Variants in MDM4 observed in about 807,000 individuals in gnomAD.
MDM4 encodes MDM4 regulator of p53.
MDM4 carries 2 observed loss-of-function variants against 60.2 expected under a neutral mutation model. That is an observed-to-expected ratio of 0.03 (90% confidence interval 0.01 to 0.10). The LOEUF (loss-of-function observed/expected upper bound fraction) is 0.10, where lower values mean the gene tolerates loss of function less well. MDM4 is among the 10% of genes least tolerant of loss of function. The pLI is 1.00. For missense variants in MDM4, 447 were observed against 577.5 expected, an observed-to-expected ratio of 0.77 and a Z score of 2.32; for synonymous variants, 202 against 198.1, an observed-to-expected ratio of 1.02 and a Z score of -0.17.
At position 204,555,102 on chromosome 1, in the gene MDM4, C is replaced by G. The variant is rs555818241; in HGVS notation, c.*5420C>G. ...CCCCTGCAGGTTGTTTTCCTTCTTA[C>G]GATCCTCATTGAATCCCCTCTGGGA... On this transcript the variant is annotated 3_prime_UTR_variant, in exon 11 of 11. Transcript: ENST00000367182. The G allele has an allele frequency of 1.5e-5, 3 of 203,496 alleles. No individual in the cohort carries two copies. The highest frequency in any genetic ancestry group is 7.5e-5 in the East Asian group (1 of 13,408). The allele number at this position is 203,496 out of a possible 1,614,324, so 12.6% of individuals were successfully genotyped here. A position where few individuals can be genotyped will look rare whatever the true frequency, so the allele number is the denominator to read the frequency against.
rs1052301902 is a variant in MDM4, at chr1:204,552,776, T to C, written c.*3094T>C. 2.7e-5 allele frequency: 5 copies of C among 186,008 alleles called. No individual in the cohort carries two copies. Among genetic ancestry groups the C allele is most frequent in the Non-Finnish European group, 5.7e-5 (5 of 87,958 alleles). The allele number at this position is 186,008 out of a possible 1,614,324, so 11.5% of individuals were successfully genotyped here. ...TTGCCCACCGGGGTTTTTCACTGCT[T>C]CTGTTAGCACTAAGTACTTAGACGA... On this transcript the variant is annotated 3_prime_UTR_variant, in exon 11 of 11. Transcript: ENST00000367182.
At chr1:204,526,838 A>C (rs1169198458) in intron 3 of MDM4, among the ~76,000 whole-genome samples, 2 of 152,188 alleles carry the variant, frequency 1.3e-5, no homozygotes, top group East Asian at 3.8e-4. Context: ...CTAAGAAAGG[A>C]AGTTCTACTC....
At position 204,553,305 on chromosome 1, in the gene MDM4, A is replaced by G. The variant is rs554537077; in HGVS notation, c.*3623A>G. The G allele has an allele frequency of 4.6e-6, 1 of 215,386 alleles. No individual in the cohort carries two copies. The highest frequency in any genetic ancestry group is 1.9e-4 in the South Asian group (1 of 5,400). 13.3% of individuals were successfully genotyped at this position (215,386 alleles called of 1,614,324 possible). ...GAAGTGTTCAGAGTTTACTGCTATAAGGAAACTTCCAAATACTGACATTTA... is the reference window on the plus strand; with the variant it reads ...GAAGTGTTCAGAGTTTACTGCTATAGGGAAACTTCCAAATACTGACATTTA... On this transcript the variant is annotated 3_prime_UTR_variant, in exon 11 of 11. Transcript: ENST00000367182.
At chr1:204,542,299 T>C (rs1387647409) in intron 7 of MDM4, among the ~76,000 whole-genome samples, 2 of 152,244 alleles carry the variant, frequency 1.3e-5, no homozygotes, top group Non-Finnish European at 2.9e-5. Context: ...TCACCTATTA[T>C]GGTTTGTATT....
intron 10 of MDM4, among the ~76,000 whole-genome samples, chr1:204,548,247 G>T (rs559683921): frequency 6.6e-6 from 1 of 152,292 alleles, no homozygotes; most frequent in African/African-American, 2.4e-5. Context: ...TTTTAAATGA[G>T]ATTGGAAGAT....
At chr1:204,536,641 C>T (rs1182025968) in intron 5 of MDM4, among the ~76,000 whole-genome samples, 1 of 152,134 alleles carries the variant, frequency 6.6e-6, no homozygotes, top group Non-Finnish European at 1.5e-5. Flanking sequence ...TTGATCTTTT[C>T]GTGTAGCCAA....
chr1:204,518,122 C>T lies in MDM4; in HGVS notation c.-36+1613C>T, dbSNP rs373162360. ...AGCAAGCCGGGATGGAGCTACTGCA[C>T]TCTAGCTTAGGCGACAGCGCGAGAG... On this transcript the variant is annotated intron_variant, in intron 1 of 10. Transcript: ENST00000367182. Among the ~76,000 whole-genome samples, 308 of 152,316 alleles carry T rather than the reference C, an allele frequency of 2.0e-3. 1 individual carries two copies. Among genetic ancestry groups the T allele is most frequent in the African/African-American group, 6.9e-3 (288 of 41,568 alleles).
intron 5 of MDM4, chr1:204,536,906 C>A: frequency 2.5e-6 from 1 of 394,112 alleles, no homozygotes; most frequent in Non-Finnish European, 4.9e-6. Context: ...TAAAATTATC[C>A]TTGACACTTA....
At chr1:204,526,093 A>G (rs1660108752) in intron 2 of MDM4, among the ~76,000 whole-genome samples, 1 of 152,078 alleles carries the variant, frequency 6.6e-6, no homozygotes, top group Non-Finnish European at 1.5e-5. Flanking sequence ...CCTCTCTACA[A>G]AAAAATACAA....
At chr1:204,534,743 C>T (rs1321449351) in intron 5 of MDM4, among the ~76,000 whole-genome samples, 6 of 152,258 alleles carry the variant, frequency 3.9e-5, no homozygotes, top group African/African-American at 9.6e-5. Flanking sequence ...CCCCCTTCTT[C>T]GGCCTCCCAA....
In MDM4 at chr1:204,553,908, A is replaced by G; in HGVS notation, c.*4226A>G. On this transcript the variant is annotated 3_prime_UTR_variant, in exon 11 of 11. Coordinates refer to ENST00000367182, the MANE Select transcript of MDM4 (RefSeq NM_002393.5). ...TTCTAATCCTAGGCTTGTACAATGG[A>G]TTGGAGTTGAGCCATGCCAGCCTCC... 1 of 224,390 alleles carries G rather than the reference A, an allele frequency of 4.5e-6. No homozygotes were observed. Among genetic ancestry groups the G allele is most frequent in the Non-Finnish European group, 8.9e-6 (1 of 112,496 alleles). 13.9% of individuals were successfully genotyped at this position (224,390 alleles called of 1,614,324 possible). A position where few individuals can be genotyped will look rare whatever the true frequency, so the allele number is the denominator to read the frequency against.
chr1:204,521,472 G>A (rs1215169905), intron 1 of MDM4, among the ~76,000 whole-genome samples: 2 of 152,102 alleles, frequency 1.3e-5, no homozygotes, highest in Admixed American at 6.6e-5. Flanking sequence ...GGCAACTGGG[G>A]CTGGAAGATG....
intron 1 of MDM4, among the ~76,000 whole-genome samples, chr1:204,523,791 G>A (rs578220054): frequency 6.6e-6 from 1 of 152,192 alleles, no homozygotes; most frequent in East Asian, 1.9e-4. Context: ...CTATGGAAGG[G>A]TGCATCTCAC....
In MDM4 at chr1:204,550,011, C is replaced by T. The variant is rs567485001; in HGVS notation, c.*329C>T. On this transcript the variant is annotated 3_prime_UTR_variant, in exon 11 of 11. Coordinates refer to ENST00000367182, the MANE Select transcript of MDM4 (RefSeq NM_002393.5). ...AACATGATAAAGTGTTTCCTTCTAACGAGTTGTAGAAATCTGAGTAACCAC... is the reference window on the plus strand; with the variant it reads ...AACATGATAAAGTGTTTCCTTCTAATGAGTTGTAGAAATCTGAGTAACCAC... 66 of 252,372 alleles carry T rather than the reference C, an allele frequency of 2.6e-4. No individual in the cohort carries two copies. Among genetic ancestry groups the T allele is most frequent in the African/African-American group, 1.3e-3 (60 of 45,926 alleles). 15.6% of individuals were successfully genotyped at this position (252,372 alleles called of 1,614,324 possible).
intron 1 of MDM4, 131 bp from the exon 2 acceptor site, chr1:204,525,353 A>T: frequency 7.2e-7 from 1 of 1,390,616 alleles, no homozygotes; most frequent in Non-Finnish European, 9.3e-7. Flanking sequence ...AAGGGTATAC[A>T]GCATTTGTGT....
At position 204,548,965 on chromosome 1, in the gene MDM4, T is replaced by C. The variant is rs187832089; in HGVS notation, c.904-148T>C. Reference sequence around the variant, plus strand: ...TAAACCTTCCAAAGACTTTCCTTCATGTGGCTGTAGAATTTGCTCAAATCC... The same window carrying C: ...TAAACCTTCCAAAGACTTTCCTTCACGTGGCTGTAGAATTTGCTCAAATCC... On this transcript the variant is annotated intron_variant, in intron 10 of 10. Transcript: ENST00000367182. 8 of 597,904 alleles carry C rather than the reference T, an allele frequency of 1.3e-5. No homozygotes were observed. In the Admixed American group the frequency reaches 2.3e-4, roughly 17 times the overall value. The allele number at this position is 597,904 out of a possible 1,614,324, so 37.0% of individuals were successfully genotyped here. A position where few individuals can be genotyped will look rare whatever the true frequency, so the allele number is the denominator to read the frequency against.
chr1:204,552,787 T>C lies in MDM4; in HGVS notation c.*3105T>C. On this transcript the variant is annotated 3_prime_UTR_variant, in exon 11 of 11. Transcript: ENST00000367182. ...GGTTTTTCACTGCTTCTGTTAGCAC[T>C]AAGTACTTAGACGATCCTAAGATAT... 5.4e-6 allele frequency: 1 copy of C among 184,014 alleles called. No individual in the cohort carries two copies. The highest frequency in any genetic ancestry group is 1.2e-5 in the Non-Finnish European group (1 of 86,558). 11.4% of individuals were successfully genotyped at this position (184,014 alleles called of 1,614,324 possible). A position where few individuals can be genotyped will look rare whatever the true frequency, so the allele number is the denominator to read the frequency against.
chr1:204,525,504 T>G lies in MDM4; in HGVS notation c.-15T>G. 1 of 1,591,276 alleles carries G rather than the reference T, an allele frequency of 6.3e-7. No individual in the cohort carries two copies. The highest frequency in any genetic ancestry group is 8.5e-7 in the Non-Finnish European group (1 of 1,174,342). On this transcript the variant is annotated 5_prime_UTR_variant, in exon 2 of 11. Transcript: ENST00000367182. ...TTTAGTTTTACCAACAGACTGCAGT[T>G]TCTTCACTACCAAAATGACATCATT...
At chr1:204,524,612 A>T (rs1034724692) in intron 1 of MDM4, among the ~76,000 whole-genome samples, 1 of 152,138 alleles carries the variant, frequency 6.6e-6, no homozygotes, top group African/African-American at 2.4e-5. Flanking sequence ...CCCCGTCTCT[A>T]CTAAAAATAC....
Sources: allele counts gnomAD v4.1 joint callset (sites outside exome capture counted in the v4.1 genomes callset), GRCh38; gene constraint gnomAD v4.1.1; transcripts MANE v1.5; gene names NCBI Gene and HGNC (gene_info 2026-07-23, HGNC 2026-07-21).